CNTNAP2: variants seen among roughly 807,000 people sequenced by gnomAD.
The protein encoded by CNTNAP2 is contactin-associated protein-like 2.
Under a neutral mutation model 155.2 loss-of-function variants are expected in CNTNAP2, and 98 were observed. That is an observed-to-expected ratio of 0.63 (90% CI 0.54 to 0.75). The LOEUF (loss-of-function observed/expected upper bound fraction) is 0.75. Ranked by LOEUF, CNTNAP2 falls within the 30% of genes least tolerant of loss-of-function variation. CNTNAP2 has a pLI of 0.00. For missense variants in CNTNAP2, 1,727 were observed against 1,688.1 expected (o/e 1.02, Z -0.40); for synonymous variants, 651 against 631.2 (o/e 1.03, Z -0.47).
At chr7:146,770,825 A>G (rs933229982) in intron 1 of CNTNAP2, among the ~76,000 whole-genome samples, 26 of 152,172 alleles carry the variant, frequency 1.7e-4, no homozygotes, top group African/African-American at 5.8e-4. Context: ...TAAATTAGCT[A>G]TTGGATCATT....
At chr7:147,146,928 A>C (rs1197090121) in intron 8 of CNTNAP2, among the ~76,000 whole-genome samples, 2 of 152,214 alleles carry the variant, frequency 1.3e-5, no homozygotes, top group African/African-American at 4.8e-5. Context: ...TGCTGGGATC[A>C]CATAGAAGCT....
At chr7:147,643,975 C>T (rs1156391756) in intron 13 of CNTNAP2, among the ~76,000 whole-genome samples, 2 of 152,090 alleles carry the variant, frequency 1.3e-5, no homozygotes, top group Non-Finnish European at 2.9e-5. Flanking sequence ...TACTACAAAA[C>T]TTAAAAATGG....
At chr7:147,791,573 T>A (rs1797819988) in intron 13 of CNTNAP2, among the ~76,000 whole-genome samples, 1 of 152,050 alleles carries the variant, frequency 6.6e-6, no homozygotes, top group Non-Finnish European at 1.5e-5. Context: ...AACCAGCTAT[T>A]TGCACTAGGA....
intron 9 of CNTNAP2, among the ~76,000 whole-genome samples, chr7:147,345,176 A>G (rs920529819): frequency 6.6e-6 from 1 of 152,148 alleles, no homozygotes; most frequent in Non-Finnish European, 1.5e-5. Flanking sequence ...TGAATTATAA[A>G]ACAACTGAAA....
In CNTNAP2 at chr7:148,418,104, G is replaced by A. The variant is rs757853507; in HGVS notation, c.*2488G>A. ...TGGATAAAGTATTAAGTAACTAAGT[G>A]CCAAATAAATGCTGGAAATCTTGAC... On this transcript the variant is annotated 3_prime_UTR_variant, in exon 24 of 24. Transcript: ENST00000361727. 7.2e-5 allele frequency: 11 copies of A among 152,202 alleles called. No homozygotes were observed. Among genetic ancestry groups the A allele is most frequent in the Middle Eastern group, 3.2e-3 (1 of 316 alleles). The allele number at this position is 152,202 out of a possible 1,614,324, so 9.4% of individuals were successfully genotyped here.
chr7:146,423,730 T>G (rs1796047215), intron 1 of CNTNAP2, among the ~76,000 whole-genome samples: 1 of 152,216 alleles, frequency 6.6e-6, no homozygotes, highest in Admixed American at 6.5e-5. Context: ...ACTTAGCATT[T>G]ATTTTGCTCA....
chr7:146,244,948 A>G (rs1799621591), intron 1 of CNTNAP2, among the ~76,000 whole-genome samples: 1 of 151,476 alleles, frequency 6.6e-6, no homozygotes. Context: ...TAGGGAAGGG[A>G]GGGGGCCTGA....
rs577942681 is a variant in CNTNAP2 at position 147,384,724 on chromosome 7, G to A, written c.1499-10885G>A. Among the ~76,000 whole-genome samples the A allele has an allele frequency of 2.0e-4, 30 of 152,200 alleles. No individual in the cohort carries two copies. In the East Asian group the frequency reaches 4.4e-3, roughly 23 times the overall value. On this transcript the variant is annotated intron_variant, in intron 9 of 23. Transcript: ENST00000361727. ...GCTCTTGGATGACAGAATTTTTAGC[G>A]TTAAGTGCCATTTCAGTTGGAACAT...
At chr7:147,393,254 A>C (rs1007376342) in intron 9 of CNTNAP2, among the ~76,000 whole-genome samples, 1 of 152,104 alleles carries the variant, frequency 6.6e-6, no homozygotes, top group African/African-American at 2.4e-5. Context: ...CTCCTATTGG[A>C]AAATAAAAGG....
At chr7:148,392,933 C>T (rs1271881708) in intron 22 of CNTNAP2, among the ~76,000 whole-genome samples, 4 of 152,060 alleles carry the variant, frequency 2.6e-5, no homozygotes, top group Non-Finnish European at 5.9e-5. Flanking sequence ...TCAGGCTTCC[C>T]GTCACCACAT....
At chr7:148,002,074 C>A (rs950945354) in intron 15 of CNTNAP2, among the ~76,000 whole-genome samples, 1 of 152,160 alleles carries the variant, frequency 6.6e-6, no homozygotes, top group African/African-American at 2.4e-5. Flanking sequence ...AATTTTCTCT[C>A]CATGGCTTGA....
chr7:146,800,896 T>C (rs1260102462), intron 2 of CNTNAP2, among the ~76,000 whole-genome samples: 3 of 151,942 alleles, frequency 2.0e-5, no homozygotes, highest in Non-Finnish European at 4.4e-5. Context: ...TTTTCCCACA[T>C]GCAATGTGGG....
chr7:147,648,267 T>G (rs2085933537), intron 13 of CNTNAP2, among the ~76,000 whole-genome samples: 1 of 152,132 alleles, frequency 6.6e-6, no homozygotes, highest in Non-Finnish European at 1.5e-5. Context: ...TAGAATTTGC[T>G]TTGGTAAAGA....
rs375598593 is a variant in CNTNAP2, at chr7:148,199,298, T to C, written c.3011-17990T>C. On this transcript the variant is annotated intron_variant, in intron 18 of 23. Coordinates refer to ENST00000361727, the MANE Select transcript of CNTNAP2 (RefSeq NM_014141.6). ...AAATCCCAGAATGGTCCACGTATTATCTCCCCAGATTCCTGATAGAGATAT... is the reference window on the plus strand; with the variant it reads ...AAATCCCAGAATGGTCCACGTATTACCTCCCCAGATTCCTGATAGAGATAT... 1.4e-4 allele frequency among the ~76,000 whole-genome samples: 22 copies of C among 152,298 alleles called. No homozygotes were observed. The South Asian group carries it at 4.6e-3, about 32-fold the overall frequency.
intron 12 of CNTNAP2, among the ~76,000 whole-genome samples, chr7:147,584,880 C>A (rs1346220245): frequency 6.6e-6 from 1 of 152,170 alleles, no homozygotes; most frequent in East Asian, 1.9e-4. Flanking sequence ...CTATCCTCAG[C>A]TCCCAGGATC....
intron 1 of CNTNAP2, among the ~76,000 whole-genome samples, chr7:146,343,701 A>G (rs547789120): frequency 1.0e-3 from 156 of 152,180 alleles, no homozygotes; most frequent in Non-Finnish European, 1.9e-3. Flanking sequence ...GCAATTTAGA[A>G]TTTTTAAATT....
intron 1 of CNTNAP2, among the ~76,000 whole-genome samples, chr7:146,434,658 G>T (rs1034639201): frequency 1.4e-4 from 22 of 152,068 alleles, no homozygotes; most frequent in African/African-American, 5.3e-4. Context: ...AATAGAAGAT[G>T]ATATTGTTAA....
At chr7:148,365,796 ATGCATG>A (rs1475357357) in intron 21 of CNTNAP2, among the ~76,000 whole-genome samples, 2 of 99,542 alleles carry the variant, frequency 2.0e-5, no homozygotes, top group Non-Finnish European at 4.7e-5. Context: ...GCATGTATAC[ATGCATG>A]TGTATGCATG....
chr7:147,812,704 A>C (rs992403255), intron 13 of CNTNAP2, among the ~76,000 whole-genome samples: 1 of 152,174 alleles, frequency 6.6e-6, no homozygotes, highest in Non-Finnish European at 1.5e-5. Flanking sequence ...GAGAGTTTCT[A>C]GCACTAAAGG....
Sources: allele counts gnomAD v4.1 joint callset (sites outside exome capture counted in the v4.1 genomes callset), GRCh38; gene constraint gnomAD v4.1.1; transcripts MANE v1.5; gene names NCBI Gene and HGNC (gene_info 2026-07-23, HGNC 2026-07-21).